TASP1: variants seen among roughly 807,000 people sequenced by gnomAD.
The protein encoded by TASP1 is taspase 1, also known as threonine aspartase 1.
In TASP1, 16 loss-of-function variants were observed where a neutral mutation model predicts 56.6. The ratio of observed to expected loss-of-function variants is 0.28; its 90% CI spans 0.19 to 0.43. The LOEUF (loss-of-function observed/expected upper bound fraction) is 0.43, where lower values mean the gene tolerates loss of function less well. Ranked by LOEUF, TASP1 falls within the 20% of genes least tolerant of loss-of-function variation. TASP1 has a pLI of 1.00. For missense variants in TASP1, 393 were observed against 511.6 expected (o/e 0.77, Z 2.24); for synonymous variants, 179 against 184.2 (o/e 0.97, Z 0.23).
intron 1 of TASP1, among the ~76,000 whole-genome samples, chr20:13,630,687 CAAAAAAAAA>C (rs33973259): frequency 3.1e-5 from 2 of 65,548 alleles, no homozygotes; most frequent in African/African-American, 1.2e-4. Flanking sequence ...AGCTCTGTCT[CAAAAAAAAA>C]AAAAAAAAAA....
chr20:13,362,807 A>AT, the TASP1 span, among the ~76,000 whole-genome samples: 3 of 106,624 alleles, frequency 2.8e-5, no homozygotes, highest in African/African-American at 1.2e-4. Context: ...AAATAGCAAG[A>AT]AATATATATA....
intron 11 of TASP1, among the ~76,000 whole-genome samples, chr20:13,435,582 A>C (rs1273427007): frequency 6.6e-6 from 1 of 152,228 alleles, no homozygotes; most frequent in Non-Finnish European, 1.5e-5. Flanking sequence ...AATTTGAAAC[A>C]ATAAGCCACA....
chr20:13,548,774 T>C (rs531144347), intron 8 of TASP1, among the ~76,000 whole-genome samples: 4 of 152,310 alleles, frequency 2.6e-5, no homozygotes, highest in African/African-American at 4.8e-5. Context: ...TGTTTATTTA[T>C]GCAATGGGTG....
At chr20:13,255,599 G>T in the TASP1 span, among the ~76,000 whole-genome samples, 4 of 152,252 alleles carry the variant, frequency 2.6e-5, no homozygotes, top group African/African-American at 9.6e-5. Context: ...GGGAAGGAAA[G>T]ACTTTGCAGG....
rs570376119 is a variant in TASP1, at chr20:13,477,108, T to C, written c.985+6119A>G. 5.3e-5 allele frequency among the ~76,000 whole-genome samples: 8 copies of C among 152,230 alleles called. 1 individual carries two copies. The South Asian group carries it at 1.2e-3, about 24-fold the overall frequency. On this transcript the variant is annotated intron_variant, in intron 11 of 13. Transcript: ENST00000337743. The stretch of plus-strand genomic sequence containing the variant: ...GTGTAATTACAGGGTACTTTTGTTC[T>C]TCCTATGACAGCTACTGTTCACATA...
At chr20:13,131,650 G>C in the TASP1 span, among the ~76,000 whole-genome samples, 1 of 152,112 alleles carries the variant, frequency 6.6e-6, no homozygotes, top group East Asian at 1.9e-4. Context: ...TCAGAATCAG[G>C]TCACTTCTCA....
At chr20:13,421,124 T>C (rs1428487751) in intron 12 of TASP1, among the ~76,000 whole-genome samples, 1 of 150,768 alleles carries the variant, frequency 6.6e-6, no homozygotes, top group East Asian at 1.9e-4. Context: ...TTTTTTTTTT[T>C]TTTTTTAAGA....
At position 13,469,792 on chromosome 20, in the gene TASP1, C is replaced by CTTTTTTTTTTTTTTTTTTTTTTTTTTT. The variant is rs546419566; in HGVS notation, c.985+13408_985+13434dup. Among the ~76,000 whole-genome samples, 18 of 39,546 alleles carry CTTTTTTTTTTTTTTTTTTTTTTTTTTT rather than the reference C, an allele frequency of 4.6e-4. 4 individuals carry two copies. The highest frequency in any genetic ancestry group is 1.4e-3 in the South Asian group (1 of 710). 25.9% of individuals were successfully genotyped at this position (39,546 alleles called of 152,430 possible). The stretch of plus-strand genomic sequence containing the variant: ...ACAGTTGTCCAGGTCAATAAATGTC[C>CTTTTTTTTTTTTTTTTTTTTTTTTTTT]TTTTTTTTTTTTTTTTTTTTTTTTT... On this transcript the variant is annotated intron_variant, in intron 11 of 13. Transcript: ENST00000337743.
At chr20:13,635,777 A>G (rs532354166) in intron 1 of TASP1, among the ~76,000 whole-genome samples, 1 of 152,276 alleles carries the variant, frequency 6.6e-6, no homozygotes, top group Admixed American at 6.5e-5. Flanking sequence ...TGTCTTACCT[A>G]TAGCCACAAG....
chr20:13,141,705 C>T, the TASP1 span, among the ~76,000 whole-genome samples: 1 of 152,184 alleles, frequency 6.6e-6, no homozygotes, highest in Non-Finnish European at 1.5e-5. Flanking sequence ...CCGAAAGAGG[C>T]TGAGGGCATG....
intron 11 of TASP1, among the ~76,000 whole-genome samples, chr20:13,455,294 G>A (rs1336456306): frequency 1.3e-5 from 2 of 152,056 alleles, no homozygotes; most frequent in African/African-American, 2.4e-5. Flanking sequence ...AATACAGGGG[G>A]TCTTCAAAAA....
chr20:13,595,738 G>C (rs1423871145), intron 4 of TASP1, among the ~76,000 whole-genome samples: 3 of 152,108 alleles, frequency 2.0e-5, no homozygotes, highest in Non-Finnish European at 2.9e-5. Context: ...AGTTCTGAGA[G>C]ACCTAAAAAG....
the TASP1 span, among the ~76,000 whole-genome samples, chr20:13,105,037 G>T: frequency 6.6e-6 from 1 of 152,144 alleles, no homozygotes; most frequent in African/African-American, 2.4e-5. Context: ...ATGTAAGCAT[G>T]CAGCTTGCTG....
rs147689466 is a variant in TASP1 at position 13,625,038 on chromosome 20, C to A, written c.213+147G>T. ...GAGAAAAACACAAAACAACACAAAA[C>A]GATCCCCTACAAAAACAAGCAAAAT... On this transcript the variant is annotated intron_variant, in intron 3 of 13. Coordinates refer to ENST00000337743, the MANE Select transcript of TASP1 (RefSeq NM_017714.3). 100 of 510,578 alleles carry A rather than the reference C, an allele frequency of 2.0e-4. 2 individuals are homozygous for A. Among genetic ancestry groups the A allele is most frequent in the African/African-American group, 1.7e-3 (88 of 50,336 alleles). The allele number at this position is 510,578 out of a possible 1,614,324, so 31.6% of individuals were successfully genotyped here. A position where few individuals can be genotyped will look rare whatever the true frequency, so the allele number is the denominator to read the frequency against.
chr20:13,515,066 C>G (rs1034892383), intron 10 of TASP1, among the ~76,000 whole-genome samples: 2 of 152,140 alleles, frequency 1.3e-5, no homozygotes, highest in Non-Finnish European at 2.9e-5. Flanking sequence ...TTTCTAACCC[C>G]TCTATCAGCA....
the TASP1 span, among the ~76,000 whole-genome samples, chr20:13,315,404 T>C: frequency 0.12 from 17,710 of 151,910 alleles, 1,199 homozygotes; most frequent in Admixed American, 0.18. Flanking sequence ...TCAAACAGAG[T>C]AGACTTAAGA....
At chr20:13,211,583 G>A in the TASP1 span, among the ~76,000 whole-genome samples, 3 of 152,042 alleles carry the variant, frequency 2.0e-5, no homozygotes, top group Non-Finnish European at 2.9e-5. Flanking sequence ...AGATGTTACC[G>A]TTATCCCTAC....
At chr20:13,226,499 C>A in the TASP1 span, among the ~76,000 whole-genome samples, 1 of 152,068 alleles carries the variant, frequency 6.6e-6, no homozygotes, top group African/African-American at 2.4e-5. Context: ...TTAACACAAC[C>A]ACCATTTTAT....
chr20:13,268,697 C>T, the TASP1 span, among the ~76,000 whole-genome samples: 4 of 152,144 alleles, frequency 2.6e-5, no homozygotes, highest in Admixed American at 1.3e-4. Flanking sequence ...CATTCAGAGG[C>T]GGTCTCTGAA....
Sources: gnomAD v4.1 joint callset for allele counts (sites outside exome capture counted in the v4.1 genomes callset) on GRCh38, gnomAD v4.1.1 for gene constraint, MANE v1.5 for transcripts, NCBI Gene and HGNC (gene_info 2026-07-23, HGNC 2026-07-21) for gene names.